Variants in NAA15 observed in about 807,000 individuals in gnomAD.
The protein encoded by NAA15 is N-terminal acetyltransferase.
Under a neutral mutation model 114.0 loss-of-function variants are expected in NAA15, and 34 were observed. That is an observed-to-expected ratio of 0.30 (90% CI 0.23 to 0.40). The LOEUF is 0.40. Among genes scored for constraint, NAA15 ranks in the 10% least tolerant of loss-of-function variants. The probability of loss-of-function intolerance (pLI) is 1.00; values close to 1 mark genes in which losing one functional copy is unlikely to be tolerated. For missense variants in NAA15, 658 were observed against 1,004.5 expected (o/e 0.66, Z 4.66); for synonymous variants, 340 against 338.0 (o/e 1.01, Z -0.06).
At chr4:139,317,578 G>A (rs944393314) in intron 1 of NAA15, among the ~76,000 whole-genome samples, 3 of 152,154 alleles carry the variant, frequency 2.0e-5, no homozygotes, top group Non-Finnish European at 4.4e-5. Flanking sequence ...CCCAGATCAT[G>A]CCACTGCACT....
rs554068933 is a variant in NAA15, at chr4:139,380,354, A to G, written c.2155+1500A>G. Among the ~76,000 whole-genome samples, 9 of 152,302 alleles carry G rather than the reference A, an allele frequency of 5.9e-5. No individual in the cohort carries two copies. The South Asian group carries it at 1.7e-3, about 28-fold the overall frequency. On this transcript the variant is annotated intron_variant, in intron 17 of 19. Coordinates refer to ENST00000296543, the MANE Select transcript of NAA15 (RefSeq NM_057175.5). ...AATTTATTCTCAGTTAAGATGGAGT[A>G]TATGTATTTTCAAAATGAAGTATTT...
rs1166767235 is a variant in NAA15, at chr4:139,321,476, T to TG, written c.55-12698_55-12697insG. On this transcript the variant is annotated intron_variant, in intron 1 of 19. Transcript: ENST00000296543. ...ACAGTGCCTGGCCCTTATTTGTTTTTTTTTTTTTTTTTTGAAACGGAGTCT... is the reference window on the plus strand; with the variant it reads ...ACAGTGCCTGGCCCTTATTTGTTTTTGTTTTTTTTTTTTTGAAACGGAGTCT... Among the ~76,000 whole-genome samples the TG allele has an allele frequency of 3.1e-4, 46 of 148,500 alleles. 1 individual carries two copies. The highest frequency in any genetic ancestry group is 1.0e-3 in the African/African-American group (42 of 40,182).
intron 14 of NAA15, 100 bp from the exon 15 acceptor site, chr4:139,370,111 A>G (rs1407435594): frequency 9.9e-7 from 1 of 1,009,842 alleles, no homozygotes; most frequent in Non-Finnish European, 1.4e-6. Flanking sequence ...AGCCTCATGC[A>G]ATATTTTTTA....
rs558014779 is a variant in NAA15 at position 139,360,706 on chromosome 4, T to C, written c.1539+78T>C. The C allele has an allele frequency of 7.7e-6, 10 of 1,290,394 alleles. No individual in the cohort carries two copies. In the East Asian group the frequency reaches 2.4e-4, roughly 31 times the overall value. The allele number at this position is 1,290,394 out of a possible 1,614,324, so 79.9% of individuals were successfully genotyped here. The stretch of plus-strand genomic sequence containing the variant: ...GACAAATTTCATAGTTTTTTTCTCT[T>C]CTATTTCTTTATAATTCATAGTAGG... On this transcript the variant is annotated intron_variant, in intron 13 of 19. Transcript: ENST00000296543.
At chr4:139,365,951 C>T (rs1251388637) in intron 14 of NAA15, among the ~76,000 whole-genome samples, 1 of 151,792 alleles carries the variant, frequency 6.6e-6, no homozygotes, top group Non-Finnish European at 1.5e-5. Context: ...TTAAAAAGGT[C>T]AGTGCTTATG....
At position 139,301,803 on chromosome 4, in the gene NAA15, A is replaced by G; in HGVS notation, c.26A>G (p.Lys9Arg). MPAVSLPP[K>R]ENALFKRILR... ...ATGCCGGCCGTGAGCCTCCCGCCCAAGGAGAATGCGCTCTTCAAGCGGATC... is the reference window on the plus strand; with the variant it reads ...ATGCCGGCCGTGAGCCTCCCGCCCAGGGAGAATGCGCTCTTCAAGCGGATC... Residue 9 changes from lysine (K) to arginine (R), a missense_variant, in exon 1 of 20, where the codon AAG becomes AGG. Lys to Arg is a conservative substitution (Grantham distance 26). Around this residue, in one of 6 missense-constraint regions of NAA15, gnomAD observed 18 missense variants for 18.9 expected, o/e 0.95. Transcript: ENST00000296543. 6.3e-7 allele frequency: 1 copy of G among 1,591,282 alleles called. No homozygotes were observed. The highest frequency in any genetic ancestry group is 8.6e-7 in the Non-Finnish European group (1 of 1,168,676).
intron 1 of NAA15, among the ~76,000 whole-genome samples, chr4:139,310,181 G>A (rs1746170107): frequency 6.6e-6 from 1 of 152,124 alleles, no homozygotes; most frequent in South Asian, 2.1e-4. Flanking sequence ...TGGGCCGGGC[G>A]CGGTGGCTCA....
intron 11 of NAA15, 144 bp downstream of exon 11, chr4:139,357,699 G>A: frequency 1.6e-6 from 1 of 611,866 alleles, no homozygotes; most frequent in Non-Finnish European, 2.8e-6. Context: ...ACATTTCTCA[G>A]TCCAATTACT....
chr4:139,322,858 A>C (rs181562862), intron 1 of NAA15, among the ~76,000 whole-genome samples: 41 of 151,226 alleles, frequency 2.7e-4, no homozygotes, highest in Non-Finnish European at 5.8e-4. Context: ...TGCTTGGCTA[A>C]TTTTCCTATT....
chr4:139,318,950 C>T (rs759537002), intron 1 of NAA15, among the ~76,000 whole-genome samples: 1 of 152,046 alleles, frequency 6.6e-6, no homozygotes, highest in Non-Finnish European at 1.5e-5. Flanking sequence ...GAGCTATAAT[C>T]CCTTATCCAG....
intron 1 of NAA15, among the ~76,000 whole-genome samples, chr4:139,329,220 T>G (rs1746914348): frequency 2.0e-5 from 3 of 152,116 alleles, no homozygotes; most frequent in African/African-American, 7.2e-5. Context: ...TCTATTTGTT[T>G]TTTTCGAATA....
chr4:139,365,917 T>TGG (rs1180405477), intron 14 of NAA15, among the ~76,000 whole-genome samples: 5 of 152,306 alleles, frequency 3.3e-5, no homozygotes, highest in African/African-American at 1.2e-4. Context: ...AGGCTACAAG[T>TGG]GGTAGCATTT....
chr4:139,371,550 A>G (rs895408829), intron 15 of NAA15, among the ~76,000 whole-genome samples: 1 of 144,350 alleles, frequency 6.9e-6, no homozygotes, highest in Non-Finnish European at 1.5e-5. Context: ...CACGAAATAT[A>G]GAAAAATCCA....
intron 1 of NAA15, among the ~76,000 whole-genome samples, chr4:139,304,615 A>G (rs921701805): frequency 1.3e-5 from 2 of 152,204 alleles, no homozygotes; most frequent in Non-Finnish European, 2.9e-5. Context: ...ACTGTTATAT[A>G]GTTATACTGT....
At chr4:139,309,018 A>C (rs935858990) in intron 1 of NAA15, among the ~76,000 whole-genome samples, 1 of 152,174 alleles carries the variant, frequency 6.6e-6, no homozygotes, top group African/African-American at 2.4e-5. Context: ...ATGTGTATAT[A>C]ATTATTATAA....
intron 1 of NAA15, among the ~76,000 whole-genome samples, chr4:139,309,386 T>C (rs984411580): frequency 6.6e-6 from 1 of 151,788 alleles, no homozygotes; most frequent in Middle Eastern, 3.2e-3. Context: ...AGTGAAAATC[T>C]TTTAATAATG....
At chr4:139,344,705 T>C (rs1747525683) in intron 6 of NAA15, among the ~76,000 whole-genome samples, 1 of 152,342 alleles carries the variant, frequency 6.6e-6, no homozygotes, top group Middle Eastern at 3.4e-3. Flanking sequence ...AACTATAGTG[T>C]ATGTAGTATG....
At position 139,349,486 on chromosome 4, in the gene NAA15, G is replaced by T. The variant is rs370432537; in HGVS notation, c.716G>T (p.Arg239Leu). The stretch of plus-strand genomic sequence containing the variant: ...GGGGAACTTCTGTTGCAACTATGTC[G>T]TTTGGAAGATGCTGCAGATGTTTAT... ...TKGELLLQLCRLEDAADVYRG... is the reference protein window; with the variant it reads ...TKGELLLQLCLLEDAADVYRG... Residue 239 changes from arginine (R) to leucine (L), a missense_variant, in exon 7 of 20, where the codon CGT becomes CTT. Arg to Leu is a moderately radical substitution (Grantham distance 102). Around this residue, in one of 6 missense-constraint regions of NAA15, gnomAD observed 281 missense variants for 389.1 expected, o/e 0.72. Coordinates refer to ENST00000296543, the MANE Select transcript of NAA15 (RefSeq NM_057175.5). The T allele has an allele frequency of 3.1e-6, 5 of 1,602,528 alleles. No homozygotes were observed. In the African/African-American group the frequency reaches 6.7e-5, roughly 22 times the overall value.
intron 16 of NAA15, 27 bp downstream of exon 16, chr4:139,376,500 G>A (rs1365440856): frequency 4.0e-5 from 52 of 1,297,954 alleles, no homozygotes; most frequent in Non-Finnish European, 5.3e-5. Context: ...CAGTGGCCCT[G>A]ACAAAACTGA....
Sources: allele counts gnomAD v4.1 joint callset (sites outside exome capture counted in the v4.1 genomes callset), GRCh38; gene constraint gnomAD v4.1.1; regional missense constraint gnomAD v4.1.1; transcripts MANE v1.5; gene names NCBI Gene and HGNC (gene_info 2026-07-23, HGNC 2026-07-21).